The following ZDHHC21 variants were observed in gnomAD, a reference collection of about 807,000 sequenced individuals.
The protein encoded by ZDHHC21 is zDHHC palmitoyltransferase 21.
In ZDHHC21, 15 loss-of-function variants were observed where a neutral mutation model predicts 34.6. That is an observed-to-expected ratio of 0.43 (90% CI 0.29 to 0.67). The LOEUF (loss-of-function observed/expected upper bound fraction) is 0.67, where lower values mean the gene tolerates loss of function less well. Ranked by LOEUF, ZDHHC21 falls within the 30% of genes least tolerant of loss-of-function variation. ZDHHC21 has a pLI of 0.14. For missense variants in ZDHHC21, 344 were observed against 327.7 expected, an observed-to-expected ratio of 1.05 and a Z score of -0.38; for synonymous variants, 142 against 101.8, an observed-to-expected ratio of 1.40 and a Z score of -2.38.
rs2133911588 is a variant in ZDHHC21, at chr9:14,658,831, T to C, written c.422A>G (p.Tyr141Cys). 4 of 1,613,614 alleles carry C rather than the reference T, an allele frequency of 2.5e-6. No individual in the cohort carries two copies. Among genetic ancestry groups the C allele is most frequent in the Non-Finnish European group, 2.5e-6 (3 of 1,179,732 alleles). Residue 141 changes from tyrosine (Y) to cysteine (C), a missense_variant, in exon 7 of 10, where the codon TAC becomes TGC. Coordinates refer to ENST00000380916, the MANE Select transcript of ZDHHC21 (RefSeq NM_178566.6). Reference sequence around the variant, plus strand: ...TGCGTAGCAAGTAAGAAGTTCAGTGTAGAAACACAACTGCAGAAAGAGCCA... The same window carrying C: ...TGCGTAGCAAGTAAGAAGTTCAGTGCAGAAACACAACTGCAGAAAGAGCCA... ...NHWLFLQLCF[Y>C]TELLTCYALM...
rs140616035 is a variant in ZDHHC21 at position 14,613,635 on chromosome 9, C to G, written c.*5331G>C. On this transcript the variant is annotated 3_prime_UTR_variant, in exon 10 of 10. Coordinates refer to ENST00000380916, the MANE Select transcript of ZDHHC21 (RefSeq NM_178566.6). ...AATCAGTGTTGAACTGTTATAAGAACGACATTACATGTTACAGATATTCAA... is the reference window on the plus strand; with the variant it reads ...AATCAGTGTTGAACTGTTATAAGAAGGACATTACATGTTACAGATATTCAA... The G allele has an allele frequency of 2.6e-4, 39 of 151,858 alleles. 2 individuals are homozygous for G. The South Asian group carries it at 2.7e-3, about 10-fold the overall frequency. The allele number at this position is 151,858 out of a possible 1,614,324, so 9.4% of individuals were successfully genotyped here.
In ZDHHC21 at chr9:14,632,092, A is replaced by C. The variant is rs1174283783; in HGVS notation, c.621+7804T>G. On this transcript the variant is annotated intron_variant, in intron 8 of 9. Transcript: ENST00000380916. ...ACACACACACACACACACACACACTATCTACAAAGCACAATATAACAAGTA... is the reference window on the plus strand; with the variant it reads ...ACACACACACACACACACACACACTCTCTACAAAGCACAATATAACAAGTA... 5.0e-5 allele frequency among the ~76,000 whole-genome samples: 7 copies of C among 141,112 alleles called. No individual in the cohort carries two copies. The East Asian group carries it at 1.4e-3, about 29-fold the overall frequency. 92.6% of individuals were successfully genotyped at this position (141,112 alleles called of 152,430 possible).
At chr9:14,603,855 CTCA>C in the ZDHHC21 span, among the ~76,000 whole-genome samples, 5 of 152,074 alleles carry the variant, frequency 3.3e-5, no homozygotes, top group African/African-American at 9.7e-5. Flanking sequence ...CTCTGGCTAC[CTCA>C]TAAGAGCATA....
chr9:14,665,809 G>C (rs1425617174), intron 5 of ZDHHC21, among the ~76,000 whole-genome samples: 1 of 147,544 alleles, frequency 6.8e-6, no homozygotes, highest in African/African-American at 2.5e-5. Flanking sequence ...GACCAATTTT[G>C]TCACCACCAG....
intron 7 of ZDHHC21, among the ~76,000 whole-genome samples, chr9:14,651,558 G>A (rs963331473): frequency 6.6e-6 from 1 of 151,800 alleles, no homozygotes; most frequent in South Asian, 2.1e-4. Context: ...TTTCATAGGA[G>A]TAGACATTTT....
chr9:14,631,292 G>C (rs764621534), intron 8 of ZDHHC21, among the ~76,000 whole-genome samples: 1 of 152,152 alleles, frequency 6.6e-6, no homozygotes, highest in Non-Finnish European at 1.5e-5. Flanking sequence ...TAAGCCTTAA[G>C]AACAAACTTA....
chr9:14,619,651 C>G lies in ZDHHC21; in HGVS notation c.653G>C (p.Cys218Ser), dbSNP rs1266642562. 2.1e-6 allele frequency: 3 copies of G among 1,413,980 alleles called. No homozygotes were observed. In the East Asian group the frequency reaches 7.3e-5, roughly 35 times the overall value. 87.6% of individuals were successfully genotyped at this position (1,413,980 alleles called of 1,614,324 possible). The change falls in exon 9 of 10, where the codon TGT (cysteine) becomes TCT (serine). Residue 218 changes from cysteine to serine, a missense_variant. By Grantham distance (112) the Cys-to-Ser change is moderately radical. Coordinates refer to ENST00000380916, the MANE Select transcript of ZDHHC21 (RefSeq NM_178566.6). ...DTTSIEKMSN[C>S]CEDISRPRKP... ...GTTTTATACTTACATATCTTCACAA[C>G]AGTTTGACATCTTTTCAATAGATGT...
intron 8 of ZDHHC21, among the ~76,000 whole-genome samples, chr9:14,630,073 T>A (rs979406094): frequency 2.6e-5 from 4 of 151,982 alleles, no homozygotes; most frequent in African/African-American, 9.7e-5. Context: ...AAAAAACCAA[T>A]AAAGTCTGCT....
chr9:14,611,667 G>T lies in ZDHHC21; in HGVS notation c.*7299C>A, dbSNP rs1823323578. On this transcript the variant is annotated 3_prime_UTR_variant, in exon 10 of 10. Transcript: ENST00000380916. Reference sequence around the variant, plus strand: ...TTTTAGGAGCCTCAAGAATAACATAGATTTTGGCTATTCATTAAACTTGCC... The same window carrying T: ...TTTTAGGAGCCTCAAGAATAACATATATTTTGGCTATTCATTAAACTTGCC... The T allele has an allele frequency of 6.6e-6, 1 of 151,864 alleles. No individual in the cohort carries two copies. Among genetic ancestry groups the T allele is most frequent in the South Asian group, 2.1e-4 (1 of 4,830 alleles). The allele number at this position is 151,864 out of a possible 1,614,324, so 9.4% of individuals were successfully genotyped here. A position where few individuals can be genotyped will look rare whatever the true frequency, so the allele number is the denominator to read the frequency against.
chr9:14,629,433 A>G (rs763982906), intron 8 of ZDHHC21, among the ~76,000 whole-genome samples: 8 of 152,196 alleles, frequency 5.3e-5, no homozygotes, highest in Non-Finnish European at 1.0e-4. Flanking sequence ...TAAATAACTT[A>G]CAGAAATACC....
At chr9:14,619,491 TG>T in intron 9 of ZDHHC21, 147 bp downstream of exon 9, 1 of 625,972 alleles carries the variant, frequency 1.6e-6, no homozygotes, top group Non-Finnish European at 2.6e-6. Context: ...ACTGTAAGAC[TG>T]GGGTAGCTTG....
intron 3 of ZDHHC21, among the ~76,000 whole-genome samples, chr9:14,678,498 T>C (rs940506776): frequency 1.3e-5 from 2 of 152,034 alleles, no homozygotes; most frequent in African/African-American, 2.4e-5. Context: ...TCTACTGTAT[T>C]GAAAAACTTT....
chr9:14,593,003 G>A, the ZDHHC21 span, among the ~76,000 whole-genome samples: 1 of 152,060 alleles, frequency 6.6e-6, no homozygotes, highest in East Asian at 1.9e-4. Flanking sequence ...ATGTGGTACA[G>A]CTAAAGTAGT....
chr9:14,667,408 T>G (rs1190598997), intron 5 of ZDHHC21, among the ~76,000 whole-genome samples: 2 of 152,014 alleles, frequency 1.3e-5, no homozygotes, highest in Admixed American at 1.3e-4. Context: ...CACAGCCAAA[T>G]TCTACCAGAG....
At chr9:14,663,138 G>A (rs1022788945) in intron 5 of ZDHHC21, among the ~76,000 whole-genome samples, 4 of 152,050 alleles carry the variant, frequency 2.6e-5, no homozygotes, top group Non-Finnish European at 4.4e-5. Context: ...TTAGGTCCGC[G>A]AAAACTATGG....
the ZDHHC21 span, chr9:14,594,197 G>A: frequency 6.6e-6 from 1 of 152,144 alleles, no homozygotes; most frequent in Non-Finnish European, 1.5e-5. Flanking sequence ...AATGGGCATG[G>A]TGAGCAGCAC....
chr9:14,657,187 A>G (rs910328455), intron 7 of ZDHHC21, among the ~76,000 whole-genome samples: 3 of 152,082 alleles, frequency 2.0e-5, no homozygotes, highest in Non-Finnish European at 4.4e-5. Context: ...TCAATCTTCC[A>G]GTAATAAATG....
chr9:14,651,287 T>G (rs530509079), intron 7 of ZDHHC21, among the ~76,000 whole-genome samples: 22 of 152,040 alleles, frequency 1.4e-4, no homozygotes, highest in Admixed American at 5.9e-4. Flanking sequence ...TTATGATGTT[T>G]AGTATTTTTA....
At chr9:14,600,541 T>C in the ZDHHC21 span, among the ~76,000 whole-genome samples, 2 of 152,190 alleles carry the variant, frequency 1.3e-5, no homozygotes, top group South Asian at 2.1e-4. Flanking sequence ...TGCTGATGGA[T>C]AGGAAGAATC....
Sources: gnomAD v4.1 joint callset for allele counts (sites outside exome capture counted in the v4.1 genomes callset) on GRCh38, gnomAD v4.1.1 for gene constraint, MANE v1.5 for transcripts, NCBI Gene and HGNC (gene_info 2026-07-23, HGNC 2026-07-21) for gene names.